The following KIZ variants were observed in gnomAD, a reference collection of about 807,000 sequenced individuals.
The protein encoded by KIZ is centrosomal protein kizuna.
KIZ carries 68 observed loss-of-function variants against 79.6 expected under a neutral mutation model. The ratio of observed to expected loss-of-function variants is 0.85; its 90% CI spans 0.70 to 1.05. The LOEUF is 1.05. KIZ is among the 50% of genes least tolerant of loss of function. The pLI is 0.00. For missense variants in KIZ, 797 were observed against 800.4 expected, an observed-to-expected ratio of 1.00 and a Z score of 0.05; for synonymous variants, 280 against 281.8, an observed-to-expected ratio of 0.99 and a Z score of 0.06.
intron 6 of KIZ, among the ~76,000 whole-genome samples, chr20:21,180,419 G>T (rs1230376293): frequency 1.3e-5 from 2 of 152,082 alleles, no homozygotes; most frequent in Non-Finnish European, 2.9e-5. Flanking sequence ...CAAATAAGTG[G>T]TAGGGGGTGG....
intron 6 of KIZ, among the ~76,000 whole-genome samples, chr20:21,180,267 A>T: frequency 6.7e-6 from 1 of 148,702 alleles, no homozygotes; most frequent in Non-Finnish European, 1.5e-5. Flanking sequence ...AAGGAAATTC[A>T]GGCAGTTTTT....
chr20:21,141,622 G>A (rs559746559), intron 3 of KIZ, among the ~76,000 whole-genome samples: 1 of 152,164 alleles, frequency 6.6e-6, no homozygotes, highest in South Asian at 2.1e-4. Context: ...TGGCAATATT[G>A]CCAGGCATGG....
intron 3 of KIZ, among the ~76,000 whole-genome samples, chr20:21,138,799 C>G (rs2032344126): frequency 6.6e-6 from 1 of 152,050 alleles, no homozygotes; most frequent in Non-Finnish European, 1.5e-5. Context: ...AGATCTGAGC[C>G]TTGCCTGAAC....
At chr20:21,243,335 C>T (rs996171864) in intron 11 of KIZ, among the ~76,000 whole-genome samples, 9 of 151,224 alleles carry the variant, frequency 6.0e-5, no homozygotes, top group Non-Finnish European at 1.0e-4. Flanking sequence ...TATAGCAAAA[C>T]GTAGATTTTT....
In KIZ at chr20:21,137,394, A is replaced by G. The variant is rs554492907; in HGVS notation, c.315+842A>G. Among the ~76,000 whole-genome samples, 24 of 151,652 alleles carry G rather than the reference A, an allele frequency of 1.6e-4. No individual in the cohort carries two copies. The South Asian group carries it at 5.0e-3, about 32-fold the overall frequency. ...ATTTGCACTGGTCAGGTGTTGTCCA[A>G]TGTAACCCATCTTAACACTGGTCAC... On this transcript the variant is annotated intron_variant, in intron 3 of 12. Coordinates refer to ENST00000619189, the MANE Select transcript of KIZ (RefSeq NM_018474.6).
intron 6 of KIZ, among the ~76,000 whole-genome samples, chr20:21,182,439 A>T (rs1340112952): frequency 1.3e-5 from 2 of 152,138 alleles, no homozygotes; most frequent in Admixed American, 6.5e-5. Context: ...ACCCATTCCT[A>T]AGCTAATTAC....
intron 3 of KIZ, among the ~76,000 whole-genome samples, chr20:21,141,798 A>AAC (rs373681499): frequency 0.04 from 5,384 of 133,176 alleles, 179 homozygotes; most frequent in African/African-American, 0.094. Flanking sequence ...TACTCCTCCC[A>AAC]ACACACACAC....
rs149273881 is a variant in KIZ, at chr20:21,135,312, G to T, written c.153-1078G>T. Among the ~76,000 whole-genome samples, 312 of 152,318 alleles carry T rather than the reference G, an allele frequency of 2.0e-3. 2 individuals are homozygous for T. The highest frequency in any genetic ancestry group is 7.2e-3 in the African/African-American group (301 of 41,564). On this transcript the variant is annotated intron_variant, in intron 2 of 12. Coordinates refer to ENST00000619189, the MANE Select transcript of KIZ (RefSeq NM_018474.6). ...ACCACCAGCAGCAGCTTTACTGAGT[G>T]CCTGAGTGTGAACGACAGTATGTTA...
At chr20:21,161,821 T>C (rs764899471) in intron 4 of KIZ, 50 bp from the exon 5 acceptor site, 16 of 1,338,706 alleles carry the variant, frequency 1.2e-5, no homozygotes, top group Admixed American at 9.3e-5. Flanking sequence ...AAACCCCACC[T>C]AATTGTTTAT....
At chr20:21,225,746 T>C (rs1314969666) in intron 9 of KIZ, among the ~76,000 whole-genome samples, 1 of 152,230 alleles carries the variant, frequency 6.6e-6, no homozygotes, top group African/African-American at 2.4e-5. Context: ...ACACACCTCA[T>C]GTCCATAACT....
chr20:21,172,093 G>T (rs979367994), intron 6 of KIZ, among the ~76,000 whole-genome samples: 1 of 152,184 alleles, frequency 6.6e-6, no homozygotes, highest in South Asian at 2.1e-4. Context: ...ATCCACAAAA[G>T]CATGAGATGT....
intron 7 of KIZ, among the ~76,000 whole-genome samples, chr20:21,210,081 G>A (rs1485656728): frequency 6.6e-6 from 1 of 152,000 alleles, no homozygotes; most frequent in Non-Finnish European, 1.5e-5. Context: ...GCCGAGGTTG[G>A]TGGATCACCT....
intron 1 of KIZ, among the ~76,000 whole-genome samples, chr20:21,127,471 T>G (rs1036346649): frequency 1.3e-5 from 2 of 152,236 alleles, no homozygotes; most frequent in Non-Finnish European, 2.9e-5. Context: ...TATGGCACAA[T>G]AACTGTATAA....
intron 11 of KIZ, among the ~76,000 whole-genome samples, chr20:21,241,541 C>T (rs2037216927): frequency 6.6e-6 from 1 of 152,216 alleles, no homozygotes; most frequent in Admixed American, 6.5e-5. Flanking sequence ...CCCTGCATTA[C>T]ACAATTAATT....
chr20:21,152,910 A>G (rs2033190948), intron 4 of KIZ, among the ~76,000 whole-genome samples: 1 of 152,248 alleles, frequency 6.6e-6, no homozygotes, highest in Admixed American at 6.5e-5. Context: ...ATTTGAAGTT[A>G]GAAATTAGGC....
chr20:21,246,231 A>G lies in KIZ; in HGVS notation c.1925-248A>G, dbSNP rs967600855. On this transcript the variant is annotated intron_variant, in intron 12 of 12. Transcript: ENST00000619189. ...ATCCTATAATAAAGAGTTGGGCACA[A>G]CAGAAGGGAAAAGGAAGTATTCTGC... 8.5e-5 allele frequency: 42 copies of G among 491,386 alleles called. 1 individual carries two copies. The Admixed American group carries it at 1.5e-3, about 18-fold the overall frequency. 30.4% of individuals were successfully genotyped at this position (491,386 alleles called of 1,614,324 possible).
intron 4 of KIZ, among the ~76,000 whole-genome samples, chr20:21,147,481 G>A (rs909497545): frequency 2.0e-5 from 3 of 152,084 alleles, no homozygotes; most frequent in Admixed American, 2.0e-4. Context: ...TATCATATGA[G>A]TTATAGCTTA....
At chr20:21,134,392 G>A (rs1460410813) in intron 2 of KIZ, among the ~76,000 whole-genome samples, 1 of 152,060 alleles carries the variant, frequency 6.6e-6, no homozygotes, top group Non-Finnish European at 1.5e-5. Context: ...TGACCTTGGG[G>A]CAATTACTCC....
chr20:21,162,369 GA>G lies in KIZ; in HGVS notation c.907del (p.Ile303TyrfsTer2). On this transcript the variant is annotated frameshift_variant, in exon 5 of 13. Coordinates refer to ENST00000619189, the MANE Select transcript of KIZ (RefSeq NM_018474.6). LOFTEE classifies it high-confidence loss of function. ...TGACAGTTCCAGCGGATCAGAGGGAGAAATACTGACACGGGAACATATTGAA... is the reference window on the plus strand; with the variant it reads ...TGACAGTTCCAGCGGATCAGAGGGAGAATACTGACACGGGAACATATTGAA... The part of the protein sequence containing the change: ...KCDSSSGSEG[E>X]ILTREHIEVE... The G allele has an allele frequency of 6.2e-7, 1 of 1,613,944 alleles. No individual in the cohort carries two copies. Among genetic ancestry groups the G allele is most frequent in the Middle Eastern group, 1.6e-4 (1 of 6,062 alleles).
Sources: allele counts gnomAD v4.1 joint callset (sites outside exome capture counted in the v4.1 genomes callset), GRCh38; gene constraint gnomAD v4.1.1; transcripts MANE v1.5; gene names NCBI Gene and HGNC (gene_info 2026-07-23, HGNC 2026-07-21).